The following ITGA5 variants were observed in gnomAD, a reference collection of about 807,000 sequenced individuals.
ITGA5 encodes the protein integrin subunit alpha 5, also known as integrin alpha-5.
In ITGA5, 55 loss-of-function variants were observed where a neutral mutation model predicts 146.3. The ratio of observed to expected loss-of-function variants is 0.38; its 90% CI spans 0.30 to 0.47. ITGA5 has a LOEUF of 0.47. Among genes scored for constraint, ITGA5 ranks in the 20% least tolerant of loss-of-function variants. The pLI, the probability that ITGA5 is intolerant of heterozygous loss-of-function variation, is 0.99. For missense variants in ITGA5, 1,131 were observed against 1,329.0 expected, an observed-to-expected ratio of 0.85 and a Z score of 2.32; for synonymous variants, 500 against 531.8, an observed-to-expected ratio of 0.94 and a Z score of 0.82.
chr12:54,407,927 T>C (rs1955887100), intron 7 of ITGA5, 51 bp from the exon 8 acceptor site: 1 of 1,542,024 alleles, frequency 6.5e-7, no homozygotes, highest in Non-Finnish European at 8.8e-7. Context: ...AGGACCCCTC[T>C]GCTCTGGCCT....
rs1368614306 is a variant in ITGA5, at chr12:54,409,606, A to G, written c.350-9T>C. The G allele has an allele frequency of 6.3e-7, 1 of 1,591,082 alleles. No individual in the cohort carries two copies. Among genetic ancestry groups the G allele is most frequent in the African/African-American group, 1.3e-5 (1 of 74,600 alleles). On this transcript the variant is annotated splice_polypyrimidine_tract_variant and intron_variant, in intron 2 of 29. Coordinates refer to ENST00000293379, the MANE Select transcript of ITGA5 (RefSeq NM_002205.5). This position sits in a 1 kb window ranked among gnomAD's most constrained non-coding sequence, Gnocchi z 4.7. ...CTCCAGGAGCCGAGAGCCTTGTGGA[A>G]GTGAGAAGGGGGAGTCTTACTGAGC... is the stretch of plus-strand genomic sequence containing the variant.
intron 2 of ITGA5, among the ~76,000 whole-genome samples, chr12:54,411,310 G>T (rs1040035996): frequency 6.6e-6 from 1 of 152,232 alleles, no homozygotes; most frequent in Non-Finnish European, 1.5e-5. Flanking sequence ...TTGTTGAAAA[G>T]ATTAAGTGAA....
chr12:54,417,283 G>T (rs1205822939), intron 1 of ITGA5, among the ~76,000 whole-genome samples: 2 of 151,866 alleles, frequency 1.3e-5, no homozygotes, highest in African/African-American at 4.8e-5. Context: ...GGGGAGGGGG[G>T]AGTAAAGAGA....
chr12:54,405,541 G>T, intron 11 of ITGA5, 123 bp downstream of exon 11: 1 of 1,053,908 alleles, frequency 9.5e-7, no homozygotes, highest in Non-Finnish European at 1.4e-6. Context: ...GGGGAATGCA[G>T]GTATGAGCGA....
At chr12:54,407,269 G>A (rs1045103959) in intron 9 of ITGA5, 1 of 222,836 alleles carries the variant, frequency 4.5e-6, no homozygotes, top group Non-Finnish European at 9.1e-6. Context: ...AATGAAATCC[G>A]ATGGCACTCT....
intron 19 of ITGA5, among the ~76,000 whole-genome samples, chr12:54,402,589 T>C (rs1053947296): frequency 3.3e-5 from 5 of 151,798 alleles, no homozygotes; most frequent in Non-Finnish European, 7.4e-5. Context: ...TAATCCCAGC[T>C]ACTTGGGACG....
At chr12:54,402,448 G>A (rs1433303482) in intron 19 of ITGA5, 118 bp from the exon 20 acceptor site, 12 of 922,566 alleles carry the variant, frequency 1.3e-5, no homozygotes, top group Admixed American at 9.8e-5. Flanking sequence ...TGTAATCCCA[G>A]CACTTTGGGA....
chr12:54,400,070 G>C, intron 25 of ITGA5, 123 bp from the exon 26 acceptor site: 1 of 710,998 alleles, frequency 1.4e-6, no homozygotes, highest in South Asian at 1.6e-5. Context: ...TCATCCAACT[G>C]TCCACCTCCT....
chr12:54,403,203 C>G lies in ITGA5; in HGVS notation c.1898G>C (p.Ser633Thr). The G allele has an allele frequency of 3.2e-6, 5 of 1,561,238 alleles. No homozygotes were observed. The change falls in exon 18 of 30, where the codon AGC becomes ACC. Residue 633 changes from serine (S) to threonine (T), a missense_variant. Coordinates refer to ENST00000293379, the MANE Select transcript of ITGA5 (RefSeq NM_002205.5). The surrounding 1 kb of genome is among the most constrained non-coding windows in gnomAD (Gnocchi z 4.9). ...TGTCCTCACCTTGTCCTCTATCCGG[C>G]TCTTGCTCTGATAATGTAGGGCTGG... ...LRPALHYQSKSRIEDKAQILL... is the reference protein window; with the variant it reads ...LRPALHYQSKTRIEDKAQILL...
intron 28 of ITGA5, among the ~76,000 whole-genome samples, chr12:54,397,816 T>C (rs1955730948): frequency 6.6e-6 from 1 of 152,212 alleles, no homozygotes; most frequent in East Asian, 1.9e-4. Context: ...CCTCTTATTT[T>C]GAACTAACAG....
chr12:54,398,723 G>A (rs1408348438), intron 27 of ITGA5, 25 bp from the exon 28 acceptor site: 1 of 1,510,900 alleles, frequency 6.6e-7, no homozygotes, highest in Non-Finnish European at 9.1e-7. Context: ...AAGTTGGTTA[G>A]CACATCCTCT....
chr12:54,398,537 C>A (rs1308616594), intron 28 of ITGA5, 60 bp downstream of exon 28: 5 of 1,251,260 alleles, frequency 4.0e-6, no homozygotes, highest in Non-Finnish European at 4.6e-6. Context: ...CAAGTCCCAG[C>A]CCTGTTCCAG....
chr12:54,409,549 G>C lies in ITGA5; in HGVS notation c.398C>G (p.Pro133Arg). The C allele has an allele frequency of 6.2e-7, 1 of 1,613,962 alleles. No homozygotes were observed. The highest frequency in any genetic ancestry group is 1.1e-5 in the South Asian group (1 of 91,074). ...SSLSSSEGEE[P>R]VEYKSLQWFG... ...CCACTGCAAGGACTTGTACTCCACA[G>C]GCTCCTCTCCCTCTGAGCTGGACAG... Residue 133 changes from proline to arginine, a missense_variant, in exon 3 of 30, where the codon CCT (proline) becomes CGT (arginine). Coordinates refer to ENST00000293379, the MANE Select transcript of ITGA5 (RefSeq NM_002205.5). This position sits in a 1 kb window ranked among gnomAD's most constrained non-coding sequence, Gnocchi z 4.7.
Position 54,405,343 on chromosome 12 carries a change from G to A in ITGA5, c.1048C>T (p.Leu350Phe). ...CGCCCGTCAGGGGTCCGATCCATGAGCAGGGGTGCCCCCACCAGCAAGTCA... is the reference window on the plus strand; with the variant it reads ...CGCCCGTCAGGGGTCCGATCCATGAACAGGGGTGCCCCCACCAGCAAGTCA... ...LDDLLVGAPL[L>F]MDRTPDGRPQ... The change falls in exon 12 of 30, where the codon CTC (leucine) becomes TTC (phenylalanine). Residue 350 changes from leucine to phenylalanine, a missense_variant. By Grantham distance (22) the Leu-to-Phe change is conservative (BLOSUM62 0). This residue lies in a region of ITGA5 where 889 missense variants were observed against 1,021.5 expected (regional missense o/e 0.87). Coordinates refer to ENST00000293379, the MANE Select transcript of ITGA5 (RefSeq NM_002205.5). 3.1e-6 allele frequency: 5 copies of A among 1,610,870 alleles called. No individual in the cohort carries two copies. Among genetic ancestry groups the A allele is most frequent in the Non-Finnish European group, 4.2e-6 (5 of 1,179,158 alleles).
rs1955817147 is a variant in ITGA5, at chr12:54,403,470, C to T, written c.1777-146G>A. Reference sequence around the variant, plus strand: ...TTCAGAGGCCCTGGCAGCCTGCTTCCCAGCTCCTCTGACAGAAGGTCTCCC... The same window carrying T: ...TTCAGAGGCCCTGGCAGCCTGCTTCTCAGCTCCTCTGACAGAAGGTCTCCC... On this transcript the variant is annotated intron_variant, in intron 17 of 29. Coordinates refer to ENST00000293379, the MANE Select transcript of ITGA5 (RefSeq NM_002205.5). The surrounding 1 kb of genome is among the most constrained non-coding windows in gnomAD (Gnocchi z 4.9). 5 of 1,280,036 alleles carry T rather than the reference C, an allele frequency of 3.9e-6. No individual in the cohort carries two copies. The highest frequency in any genetic ancestry group is 3.0e-5 in the South Asian group (2 of 66,334). The allele number at this position is 1,280,036 out of a possible 1,614,324, so 79.3% of individuals were successfully genotyped here. A position where few individuals can be genotyped will look rare whatever the true frequency, so the allele number is the denominator to read the frequency against.
intron 11 of ITGA5, 38 bp from the exon 12 acceptor site, chr12:54,405,412 GT>G: frequency 6.7e-7 from 1 of 1,496,832 alleles, no homozygotes; most frequent in Non-Finnish European, 9.1e-7. Context: ...TCGATACCCT[GT>G]CTTGCCACCC....
Position 54,399,643 on chromosome 12 carries a change from A to T in ITGA5, c.2841+2T>A. 16 of 1,610,990 alleles carry T rather than the reference A, an allele frequency of 9.9e-6. No homozygotes were observed. The highest frequency in any genetic ancestry group is 1.4e-5 in the Non-Finnish European group (16 of 1,177,114). ...GTCAGGGCTGAGGTAAGGCTCCCTC[A>T]CCTGCAAGAAAGTCTTGGCCCAGAC... On this transcript the variant is annotated splice_donor_variant, in intron 27 of 29. Coordinates refer to ENST00000293379, the MANE Select transcript of ITGA5 (RefSeq NM_002205.5). LOFTEE classifies it high-confidence loss of function.
Position 54,396,357 on chromosome 12 carries a change from G to T in ITGA5, c.3086C>A (p.Ser1029Tyr), listed in dbSNP as rs779662025. ...TTCCATGGCGGTGCCATATGGGAGG[G>T]AGCGTTTGAAGAATCCAAGCTGATA... ...ILYKLGFFKR[S>Y]LPYGTAMEKA... is the part of the protein sequence containing the mutation. Residue 1029 changes from serine to tyrosine, a missense_variant, in exon 30 of 30, where the codon TCC becomes TAC. This residue lies in a region of ITGA5 where 889 missense variants were observed against 1,021.5 expected (regional missense o/e 0.87). Coordinates refer to ENST00000293379, the MANE Select transcript of ITGA5 (RefSeq NM_002205.5). 6.2e-7 allele frequency: 1 copy of T among 1,614,042 alleles called. No homozygotes were observed. The highest frequency in any genetic ancestry group is 2.2e-5 in the East Asian group (1 of 44,884).
chr12:54,407,849 C>T lies in ITGA5; in HGVS notation c.845G>A (p.Ser282Asn), dbSNP rs368634534. ...LGYSVAVGEFSGDDTEDFVAG... is the reference protein window; with the variant it reads ...LGYSVAVGEFNGDDTEDFVAG... ...ACACTCACCTTCTGTGTCATCACCA[C>T]TGAATTCACCAACAGCCACAGAGTA... Residue 282 changes from serine (S) to asparagine (N), a missense_variant, in exon 8 of 30, where the codon AGT becomes AAT. Coordinates refer to ENST00000293379, the MANE Select transcript of ITGA5 (RefSeq NM_002205.5). 23 of 1,594,740 alleles carry T rather than the reference C, an allele frequency of 1.4e-5. No homozygotes were observed. Among genetic ancestry groups the T allele is most frequent in the Non-Finnish European group, 2.0e-5 (23 of 1,169,452 alleles).
Sources: allele counts gnomAD v4.1 joint callset (sites outside exome capture counted in the v4.1 genomes callset), GRCh38; gene constraint gnomAD v4.1.1; regional missense constraint gnomAD v4.1.1; non-coding constraint Gnocchi (gnomAD v3.1); transcripts MANE v1.5; gene names NCBI Gene and HGNC (gene_info 2026-07-23, HGNC 2026-07-21).